Variants in TJP1 observed in about 807,000 individuals in gnomAD.
TJP1 encodes tight junction protein 1.
A neutral mutation model predicts 194.2 loss-of-function variants in TJP1; 43 were observed. That is an observed-to-expected ratio of 0.22 (90% CI 0.17 to 0.29). The LOEUF (loss-of-function observed/expected upper bound fraction) is 0.29. Among genes scored for constraint, TJP1 ranks in the 10% least tolerant of loss-of-function variants. The probability of loss-of-function intolerance (pLI) is 1.00; values close to 1 mark genes in which losing one functional copy is unlikely to be tolerated. For synonymous variants in TJP1, 801 were observed against 779.0 expected (o/e 1.03, Z -0.47); for missense variants, 1,971 against 2,185.7 (o/e 0.90, Z 1.96).
chr15:29,700,037 G>A, downstream of TJP1: 1 of 354,272 alleles, frequency 2.8e-6, no homozygotes, highest in Non-Finnish European at 5.0e-6. Context: ...TGCAACACCA[G>A]ACGACGAGGT....
chr15:29,725,996 C>T (rs1445706838), intron 18 of TJP1, among the ~76,000 whole-genome samples: 2 of 152,166 alleles, frequency 1.3e-5, no homozygotes, highest in Admixed American at 1.3e-4. Flanking sequence ...ATGCTGAGGA[C>T]AGCACTTTGG....
intron 2 of TJP1, among the ~76,000 whole-genome samples, chr15:29,904,405 A>G (rs907026070): frequency 1.3e-5 from 2 of 152,172 alleles, no homozygotes; most frequent in Admixed American, 6.5e-5. Flanking sequence ...GAGAAAGCCA[A>G]CAGGACTTGA....
At chr15:29,925,611 C>G (rs74008638) in intron 2 of TJP1, among the ~76,000 whole-genome samples, 1 of 152,168 alleles carries the variant, frequency 6.6e-6, no homozygotes, top group Admixed American at 6.5e-5. Flanking sequence ...ATACACGCAC[C>G]CTTTTTTCTA....
intron 1 of TJP1, among the ~76,000 whole-genome samples, chr15:29,957,666 T>C (rs1379481707): frequency 6.6e-6 from 1 of 152,242 alleles, no homozygotes; most frequent in African/African-American, 2.4e-5. Flanking sequence ...CCCCTACTAA[T>C]GGGCATTTAG....
chr15:29,939,773 G>A (rs1033739774), intron 2 of TJP1, among the ~76,000 whole-genome samples: 4 of 152,212 alleles, frequency 2.6e-5, no homozygotes, highest in African/African-American at 9.6e-5. Context: ...AAAGGCCTAA[G>A]AGAGCTTGTT....
chr15:29,700,694 G>T lies in TJP1; in HGVS notation c.*901C>A. 28 of 178,088 alleles carry T rather than the reference G, an allele frequency of 1.6e-4. No homozygotes were observed. Among genetic ancestry groups the T allele is most frequent in the East Asian group, 2.4e-4 (3 of 12,424 alleles). The allele number at this position is 178,088 out of a possible 1,614,324, so 11.0% of individuals were successfully genotyped here. A position where few individuals can be genotyped will look rare whatever the true frequency, so the allele number is the denominator to read the frequency against. On this transcript the variant is annotated 3_prime_UTR_variant, in exon 28 of 28. Coordinates refer to ENST00000614355, the MANE Select transcript of TJP1 (RefSeq NM_001330239.4). ...AAATTTTCAAATGCATAGCCAGAAA[G>T]AACAGAAAACCACCACTGCCCCTTG...
chr15:29,878,762 G>A (rs536508804), intron 2 of TJP1, among the ~76,000 whole-genome samples: 1 of 152,262 alleles, frequency 6.6e-6, no homozygotes, highest in South Asian at 2.1e-4. Flanking sequence ...GGACTGTCAG[G>A]GAAGCCGATG....
chr15:29,792,706 TAAC>T (rs935821195), intron 2 of TJP1, among the ~76,000 whole-genome samples: 1 of 152,214 alleles, frequency 6.6e-6, no homozygotes, highest in Non-Finnish European at 1.5e-5. Flanking sequence ...GTGGACATTT[TAAC>T]AACACTGATT....
At chr15:29,960,235 A>G (rs765246471) in intron 1 of TJP1, among the ~76,000 whole-genome samples, 4 of 152,210 alleles carry the variant, frequency 2.6e-5, no homozygotes, top group Non-Finnish European at 5.9e-5. Context: ...AATGGCAGAT[A>G]GTCAAGAAAT....
At chr15:29,715,933 C>T (rs1234498027) in intron 23 of TJP1, among the ~76,000 whole-genome samples, 2 of 152,162 alleles carry the variant, frequency 1.3e-5, no homozygotes, top group African/African-American at 2.4e-5. Context: ...CCTGTGTGCC[C>T]GTGTGGGCTT....
At chr15:29,892,991 CAAAGT>C (rs1018319788) in intron 2 of TJP1, among the ~76,000 whole-genome samples, 1 of 152,106 alleles carries the variant, frequency 6.6e-6, no homozygotes, top group African/African-American at 2.4e-5. Context: ...TGGATCTGAG[CAAAGT>C]AAATTAAAAA....
At chr15:29,946,886 C>A (rs10519673) in intron 2 of TJP1, among the ~76,000 whole-genome samples, 7,852 of 152,198 alleles carry the variant, frequency 0.052, 615 homozygotes, top group African/African-American at 0.17. Context: ...TAAGGTTGCA[C>A]AGTAAAACAA....
intron 2 of TJP1, among the ~76,000 whole-genome samples, chr15:29,935,847 A>T (rs138377971): frequency 9.9e-5 from 15 of 151,998 alleles, no homozygotes; most frequent in African/African-American, 3.6e-4. Flanking sequence ...ACCCTTCAAA[A>T]CCAGCAGTGC....
chr15:29,884,066 A>T (rs1255415539), intron 2 of TJP1, among the ~76,000 whole-genome samples: 2 of 152,238 alleles, frequency 1.3e-5, no homozygotes, highest in East Asian at 3.8e-4. Flanking sequence ...TACCCTAATG[A>T]TTATTCTCTC....
At chr15:29,928,741 A>G (rs1406149377) in intron 2 of TJP1, among the ~76,000 whole-genome samples, 1 of 152,180 alleles carries the variant, frequency 6.6e-6, no homozygotes, top group Non-Finnish European at 1.5e-5. Flanking sequence ...CAGGAGATCG[A>G]GACCATCCTG....
intron 2 of TJP1, among the ~76,000 whole-genome samples, chr15:29,942,977 T>C (rs2055134745): frequency 6.6e-6 from 1 of 152,210 alleles, no homozygotes; most frequent in Non-Finnish European, 1.5e-5. Context: ...GCTGCACACA[T>C]ACCAAGGATA....
Position 29,701,608 on chromosome 15 carries a change from A to G in TJP1, c.5294T>C (p.Ile1765Thr), listed in dbSNP as rs1188000964. ...ATATTTCAAGAGTTAAAAGTGGTCA[A>G]TAAGGACAGAAACACAGTTTGCTCC... ...LVGANCVSVLIDHF is the reference protein window; with the variant it reads ...LVGANCVSVLTDHF The change falls in exon 28 of 28, where the codon ATT becomes ACT. Residue 1765 changes from isoleucine (I) to threonine (T), a missense_variant. Ile to Thr is a moderately conservative substitution (Grantham distance 89). This residue lies in a region of TJP1 where 1,108 missense variants were observed against 1,128.5 expected (regional missense o/e 0.98). Transcript: ENST00000614355. 3.1e-6 allele frequency: 5 copies of G among 1,613,800 alleles called. No individual in the cohort carries two copies. The highest frequency in any genetic ancestry group is 1.6e-4 in the Middle Eastern group (1 of 6,084).
chr15:29,845,163 GT>G (rs1221229015), intron 2 of TJP1, among the ~76,000 whole-genome samples: 1 of 152,206 alleles, frequency 6.6e-6, no homozygotes, highest in Admixed American at 6.5e-5. Flanking sequence ...AAGGTCTTAA[GT>G]TTAAGATGAG....
intron 2 of TJP1, among the ~76,000 whole-genome samples, chr15:29,831,826 A>G (rs1376733611): frequency 6.6e-6 from 1 of 152,218 alleles, no homozygotes; most frequent in Non-Finnish European, 1.5e-5. Context: ...TAAATACTTC[A>G]GCAAAGAGAA....
Sources: allele counts gnomAD v4.1 joint callset (sites outside exome capture counted in the v4.1 genomes callset), GRCh38; gene constraint gnomAD v4.1.1; regional missense constraint gnomAD v4.1.1; transcripts MANE v1.5; gene names NCBI Gene and HGNC (gene_info 2026-07-23, HGNC 2026-07-21).